ECT2L: variants seen among roughly 807,000 people sequenced by gnomAD.
ECT2L encodes epithelial cell transforming 2 like, also known as epithelial cell-transforming sequence 2 oncogene-like.
A neutral mutation model predicts 122.8 loss-of-function variants in ECT2L; 126 were observed. That is an observed-to-expected ratio of 1.03 (90% CI 0.89 to 1.19). The LOEUF (loss-of-function observed/expected upper bound fraction) is 1.19. Ranked by LOEUF, ECT2L falls within the 50% of genes most tolerant of loss-of-function variation. The pLI is 0.00. For missense variants in ECT2L, 1,012 were observed against 1,064.1 expected (o/e 0.95, Z 0.68); for synonymous variants, 385 against 381.8 (o/e 1.01, Z -0.10).
At chr6:138,798,404 C>T (rs1775417716) in intron 1 of ECT2L, among the ~76,000 whole-genome samples, 2 of 152,132 alleles carry the variant, frequency 1.3e-5, no homozygotes, top group Admixed American at 1.3e-4. Flanking sequence ...TCCTATCACC[C>T]AGGAAATTCC....
chr6:138,854,294 T>C, intron 10 of ECT2L, 140 bp downstream of exon 10: 8 of 1,051,064 alleles, frequency 7.6e-6, no homozygotes, highest in Middle Eastern at 2.8e-4. Context: ...ACTTCACATA[T>C]CCAGGTATTT....
rs1351782014 is a variant in ECT2L at position 138,902,579 on chromosome 6, A to T, written c.2667A>T (p.Leu889=). The T allele has an allele frequency of 6.2e-7, 1 of 1,613,988 alleles. No homozygotes were observed. Among genetic ancestry groups the T allele is most frequent in the African/African-American group, 1.3e-5 (1 of 75,042 alleles). Residue 889 remains leucine, a synonymous_variant, in exon 22 of 22, where the codon CTA becomes CTT. Coordinates refer to ENST00000541398, the MANE Select transcript of ECT2L (RefSeq NM_001077706.3). The stretch of plus-strand genomic sequence containing the variant: ...CAGAAATAGAGGATGATAAGTTCCT[A>T]TGGCTGTCAGTACTTCGAAATGCAA... ...CATEIEDDKF[L]WLSVLRNAIK...
At chr6:138,798,261 T>C (rs4896403) in intron 1 of ECT2L, among the ~76,000 whole-genome samples, 111,931 of 152,032 alleles carry the variant, frequency 0.74, 41,562 homozygotes, top group East Asian at 0.91. Flanking sequence ...CCCTTCTCTC[T>C]TCCCCAGAGG....
chr6:138,887,088 T>C (rs1429649252), intron 19 of ECT2L, among the ~76,000 whole-genome samples, 166 bp downstream of exon 19: 2 of 152,138 alleles, frequency 1.3e-5, no homozygotes, highest in Non-Finnish European at 2.9e-5. Flanking sequence ...ACCTGCAAGG[T>C]TGCTCTATAA....
In ECT2L at chr6:138,868,137, C is replaced by T; in HGVS notation, c.1509C>T (p.Asn503=). The T allele has an allele frequency of 6.2e-7, 1 of 1,612,770 alleles. No individual in the cohort carries two copies. Among genetic ancestry groups the T allele is most frequent in the Non-Finnish European group, 8.5e-7 (1 of 1,179,318 alleles). ...QFMFDTMGMT[N]ILNNQDTAQA... ...TGTTTGACACCATGGGTATGACCAACATTCTAAACAACCAAGATACTGCGC... is the reference window on the plus strand; with the variant it reads ...TGTTTGACACCATGGGTATGACCAATATTCTAAACAACCAAGATACTGCGC... The change falls in exon 13 of 22, where the codon AAC becomes AAT. Residue 503 remains asparagine, a synonymous_variant. Transcript: ENST00000541398.
chr6:138,862,610 T>G lies in ECT2L; in HGVS notation c.1199-17T>G. ...AAATATATGAGGAAACTAACGAAAGTGTTTTTGACTATGCAGAGGCAGGAA... is the reference window on the plus strand; with the variant it reads ...AAATATATGAGGAAACTAACGAAAGGGTTTTTGACTATGCAGAGGCAGGAA... On this transcript the variant is annotated splice_polypyrimidine_tract_variant and intron_variant, in intron 10 of 21. Transcript: ENST00000541398. 6.2e-7 allele frequency: 1 copy of G among 1,610,634 alleles called. No homozygotes were observed. The highest frequency in any genetic ancestry group is 8.5e-7 in the Non-Finnish European group (1 of 1,176,904).
intron 14 of ECT2L, among the ~76,000 whole-genome samples, chr6:138,877,419 G>A (rs1778491055): frequency 6.6e-6 from 1 of 152,048 alleles, no homozygotes; most frequent in African/African-American, 2.4e-5. Context: ...ACCTCATAGT[G>A]GTTTCAAGAT....
At chr6:138,799,534 C>T (rs919757046) in intron 1 of ECT2L, among the ~76,000 whole-genome samples, 3 of 151,956 alleles carry the variant, frequency 2.0e-5, no homozygotes, top group Non-Finnish European at 4.4e-5. Context: ...GGATTGCAGG[C>T]GTGAGCCACC....
intron 21 of ECT2L, among the ~76,000 whole-genome samples, chr6:138,901,572 T>C (rs1779397068): frequency 3.3e-5 from 5 of 152,166 alleles, no homozygotes; most frequent in Admixed American, 3.3e-4. Context: ...AAGCTAGGAG[T>C]TGTTAAATAA....
chr6:138,842,553 C>T (rs1030603452), intron 5 of ECT2L, among the ~76,000 whole-genome samples: 9 of 152,178 alleles, frequency 5.9e-5, no homozygotes, highest in South Asian at 2.1e-4. Flanking sequence ...GGGCGGATCA[C>T]GAGGTCAGGA....
intron 6 of ECT2L, 71 bp downstream of exon 6, chr6:138,843,302 CCA>C (rs1777109666): frequency 7.0e-7 from 1 of 1,438,190 alleles, no homozygotes; most frequent in African/African-American, 1.4e-5. Flanking sequence ...ATACAAATTC[CCA>C]CAGAGGACAG....
chr6:138,864,002 TAAAAA>T (rs1172466449), intron 11 of ECT2L, among the ~76,000 whole-genome samples: 1,491 of 55,852 alleles, frequency 0.027, 62 homozygotes, highest in African/African-American at 0.11. Context: ...TCTCCGTATT[TAAAAA>T]AAAAAAAAAA....
intron 21 of ECT2L, among the ~76,000 whole-genome samples, chr6:138,901,751 C>CT (rs1779403061): frequency 1.3e-5 from 2 of 152,246 alleles, no homozygotes; most frequent in South Asian, 4.1e-4. Flanking sequence ...TATCTTATTC[C>CT]TATATCTGTT....
intron 20 of ECT2L, among the ~76,000 whole-genome samples, chr6:138,890,430 G>C (rs973664919): frequency 6.9e-6 from 1 of 144,842 alleles, no homozygotes; most frequent in Non-Finnish European, 1.5e-5. Flanking sequence ...GATCTTAAAT[G>C]AAAATCAAAT....
chr6:138,876,861 G>C (rs1778470147), intron 14 of ECT2L, among the ~76,000 whole-genome samples: 1 of 152,098 alleles, frequency 6.6e-6, no homozygotes, highest in South Asian at 2.1e-4. Context: ...ATGGCACATG[G>C]ACAAAGGCTC....
chr6:138,813,670 C>T lies in ECT2L; in HGVS notation c.66+330C>T, dbSNP rs188555878. On this transcript the variant is annotated intron_variant, in intron 3 of 21. Coordinates refer to ENST00000541398, the MANE Select transcript of ECT2L (RefSeq NM_001077706.3). Reference sequence around the variant, plus strand: ...GTGGTGGGGGCTGGGAGTATTCATGCTTGTGTTCCTCTGTATTTGTAATCC... The same window carrying T: ...GTGGTGGGGGCTGGGAGTATTCATGTTTGTGTTCCTCTGTATTTGTAATCC... 4.6e-5 allele frequency among the ~76,000 whole-genome samples: 7 copies of T among 152,260 alleles called. No individual in the cohort carries two copies. In the East Asian group the frequency reaches 9.7e-4, roughly 21 times the overall value.
intron 20 of ECT2L, among the ~76,000 whole-genome samples, chr6:138,896,130 C>T (rs779698341): frequency 8.2e-5 from 11 of 134,212 alleles, no homozygotes; most frequent in Admixed American, 2.1e-4. Flanking sequence ...GGGGTCCTCC[C>T]ATGCTGGCCA....
chr6:138,869,514 C>A (rs1778169287), intron 13 of ECT2L, among the ~76,000 whole-genome samples: 1 of 152,206 alleles, frequency 6.6e-6, no homozygotes, highest in African/African-American at 2.4e-5. Context: ...CCTGTGAAGT[C>A]TCAGCTCTGC....
rs1468586776 is a variant in ECT2L at position 138,814,436 on chromosome 6, A to G, written c.67-55A>G. ...GTAGATTGTCTAAAGATTGCTTAGC[A>G]ATTAAAAACAATGAACTGTACAGCA... On this transcript the variant is annotated intron_variant, in intron 3 of 21. Transcript: ENST00000541398. The G allele has an allele frequency of 1.2e-5, 13 of 1,097,902 alleles. No individual in the cohort carries two copies. In the East Asian group the frequency reaches 2.2e-4, roughly 18 times the overall value. The allele number at this position is 1,097,902 out of a possible 1,614,324, so 68.0% of individuals were successfully genotyped here.
Sources: allele counts gnomAD v4.1 joint callset (sites outside exome capture counted in the v4.1 genomes callset), GRCh38; gene constraint gnomAD v4.1.1; transcripts MANE v1.5; gene names NCBI Gene and HGNC (gene_info 2026-07-23, HGNC 2026-07-21).